FGF9: variants seen among roughly 807,000 people sequenced by gnomAD.
FGF9 encodes the protein fibroblast growth factor 9 (glia-activating factor).
In FGF9, 3 loss-of-function variants were observed where a neutral mutation model predicts 19.9. The ratio of observed to expected loss-of-function variants is 0.15; its 90% confidence interval spans 0.07 to 0.39. The LOEUF (loss-of-function observed/expected upper bound fraction) is 0.39, where lower values mean the gene tolerates loss of function less well. Among genes scored for constraint, FGF9 ranks in the 10% least tolerant of loss-of-function variants. The pLI is 1.00. For synonymous variants in FGF9, 107 were observed against 106.9 expected (o/e 1.00, Z -0.01); for missense variants, 175 against 256.8 (o/e 0.68, Z 2.18).
At chr13:21,684,130 A>G (rs1431634385) in intron 2 of FGF9, among the ~76,000 whole-genome samples, 1 of 152,224 alleles carries the variant, frequency 6.6e-6, no homozygotes, top group Non-Finnish European at 1.5e-5. Context: ...ATTTAAATTC[A>G]ATGGAAATAT....
Position 21,701,709 on chromosome 13 carries a change from A to ATGTGTG in FGF9, c.*300_*305dup, listed in dbSNP as rs61706549. The stretch of plus-strand genomic sequence containing the variant: ...GAGACTGAGCGCTAGGAGTGTGTGT[A>ATGTGTG]TGTGTGTGTGTGTGTGTGTGTGTGT... On this transcript the variant is annotated 3_prime_UTR_variant, in exon 3 of 3. Transcript: ENST00000382353. 0.073 allele frequency: 26,217 copies of ATGTGTG among 356,836 alleles called. 1,006 individuals carry two copies. Among genetic ancestry groups the ATGTGTG allele is most frequent in the African/African-American group, 0.16 (7,270 of 45,034 alleles). 22.1% of individuals were successfully genotyped at this position (356,836 alleles called of 1,614,324 possible).
intron 2 of FGF9, among the ~76,000 whole-genome samples, chr13:21,697,486 T>G (rs2138146971): frequency 6.6e-6 from 1 of 152,290 alleles, no homozygotes; most frequent in East Asian, 1.9e-4. Flanking sequence ...CTTTATTTTC[T>G]GAGTTATGTG....
chr13:21,675,915 TGAA>T (rs1259998073), intron 1 of FGF9, among the ~76,000 whole-genome samples: 1 of 147,568 alleles, frequency 6.8e-6, no homozygotes, highest in African/African-American at 2.5e-5. Flanking sequence ...GGTGGGACCT[TGAA>T]GGAGCCTTTT....
In FGF9 at chr13:21,671,083, G is replaced by A. The variant is rs576891863; in HGVS notation, c.-830G>A. ...AATGCCGCTGCCTGCGCCACTCTGCGCGCCGGCGGGGGCTGCGCAGGAGGA... is the reference window on the plus strand; with the variant it reads ...AATGCCGCTGCCTGCGCCACTCTGCACGCCGGCGGGGGCTGCGCAGGAGGA... On this transcript the variant is annotated 5_prime_UTR_variant, in exon 1 of 3. Coordinates refer to ENST00000382353, the MANE Select transcript of FGF9 (RefSeq NM_002010.3). Among the ~76,000 whole-genome samples, 2 of 152,238 alleles carry A rather than the reference G, an allele frequency of 1.3e-5. No homozygotes were observed. Among genetic ancestry groups the A allele is most frequent in the Non-Finnish European group, 2.9e-5 (2 of 67,992 alleles).
At chr13:21,689,467 A>G (rs1872238639) in intron 2 of FGF9, among the ~76,000 whole-genome samples, 1 of 152,118 alleles carries the variant, frequency 6.6e-6, no homozygotes, top group South Asian at 2.1e-4. Flanking sequence ...TTTTCTTACA[A>G]AAAATGGACT....
At chr13:21,699,208 G>A (rs1872483756) in intron 2 of FGF9, among the ~76,000 whole-genome samples, 1 of 152,208 alleles carries the variant, frequency 6.6e-6, no homozygotes, top group Admixed American at 6.5e-5. Context: ...GTGGGGTAGA[G>A]CTGCTTCTCC....
chr13:21,671,593 G>A lies in FGF9; in HGVS notation c.-320G>A. 2 of 503,154 alleles carry A rather than the reference G, an allele frequency of 4.0e-6. No individual in the cohort carries two copies. Among genetic ancestry groups the A allele is most frequent in the Non-Finnish European group, 7.0e-6 (2 of 287,238 alleles). 31.2% of individuals were successfully genotyped at this position (503,154 alleles called of 1,614,324 possible). On this transcript the variant is annotated 5_prime_UTR_variant, in exon 1 of 3. Transcript: ENST00000382353. Reference sequence around the variant, plus strand: ...GGATTTTTTTTCCTTATTACGGTCGGATGGGATGAAGACCTTCCTGCCTGC... The same window carrying A: ...GGATTTTTTTTCCTTATTACGGTCGAATGGGATGAAGACCTTCCTGCCTGC...
rs935417263 is a variant in FGF9 at position 21,702,207 on chromosome 13, T to C, written c.*772T>C. ...TGTGGTAAATTCATGCAAGTAGATATAATGGTGCATGGATATAAGAAATTC... is the reference window on the plus strand; with the variant it reads ...TGTGGTAAATTCATGCAAGTAGATACAATGGTGCATGGATATAAGAAATTC... On this transcript the variant is annotated 3_prime_UTR_variant, in exon 3 of 3. Transcript: ENST00000382353. 3.3e-5 allele frequency: 5 copies of C among 152,168 alleles called. No homozygotes were observed. The highest frequency in any genetic ancestry group is 9.6e-5 in the African/African-American group (4 of 41,456). 9.4% of individuals were successfully genotyped at this position (152,168 alleles called of 1,614,324 possible).
rs1352104938 is a variant in FGF9, at chr13:21,681,064, A to G, written c.300A>G (p.Ile100Met). The change falls in exon 2 of 3, where the codon ATA (isoleucine) becomes ATG (methionine). Residue 100 changes from isoleucine to methionine, a missense_variant. By Grantham distance (10) the Ile-to-Met change is conservative. This residue lies in a region of FGF9 where 101 missense variants were observed against 160.7 expected (regional missense o/e 0.63). Transcript: ENST00000382353. The stretch of plus-strand genomic sequence containing the variant: ...CAGGCATTCTGGAATTTATCAGTAT[A>G]GCAGTGGGCCTGGTCAGCATTCGAG... Reference protein sequence around the residue: ...SRFGILEFISIAVGLVSIRGV... With the variant: ...SRFGILEFISMAVGLVSIRGV... 6.2e-7 allele frequency: 1 copy of G among 1,613,856 alleles called. No individual in the cohort carries two copies. The highest frequency in any genetic ancestry group is 2.2e-5 in the East Asian group (1 of 44,872).
chr13:21,701,864 A>G lies in FGF9; in HGVS notation c.*429A>G, dbSNP rs1444764667. On this transcript the variant is annotated 3_prime_UTR_variant, in exon 3 of 3. Transcript: ENST00000382353. The stretch of plus-strand genomic sequence containing the variant: ...TTCATCCTATATCAGCACAGCTGCC[A>G]TACTTCGACTTATCAGGATTCTGGC... 5.4e-6 allele frequency: 1 copy of G among 186,248 alleles called. No individual in the cohort carries two copies. Among genetic ancestry groups the G allele is most frequent in the Non-Finnish European group, 1.1e-5 (1 of 88,078 alleles). The allele number at this position is 186,248 out of a possible 1,614,324, so 11.5% of individuals were successfully genotyped here.
chr13:21,691,171 T>C lies in FGF9; in HGVS notation c.382-10019T>C, dbSNP rs1368025743. ...AAGGAGAATCAGCTGTACCTACAAA[T>C]GCAAATGTACTTCCTCATGTGGGTG... On this transcript the variant is annotated intron_variant, in intron 2 of 2. Transcript: ENST00000382353. The surrounding 1 kb of genome is among the most constrained non-coding windows in gnomAD (Gnocchi z 4.2). Among the ~76,000 whole-genome samples, 1 of 152,234 alleles carries C rather than the reference T, an allele frequency of 6.6e-6. No individual in the cohort carries two copies. The highest frequency in any genetic ancestry group is 1.5e-5 in the Non-Finnish European group (1 of 68,038).
intron 2 of FGF9, among the ~76,000 whole-genome samples, chr13:21,694,993 A>G (rs1351106876): frequency 6.6e-6 from 1 of 152,008 alleles, no homozygotes; most frequent in Non-Finnish European, 1.5e-5. Context: ...GTCCTGTGGT[A>G]TATTTGGCAG....
At chr13:21,694,879 C>T (rs1392450588) in intron 2 of FGF9, among the ~76,000 whole-genome samples, 1 of 152,290 alleles carries the variant, frequency 6.6e-6, no homozygotes, top group East Asian at 1.9e-4. Flanking sequence ...TGTGGGAGTA[C>T]CCCTCTGAAC....
intron 1 of FGF9, among the ~76,000 whole-genome samples, chr13:21,674,921 A>G (rs1189150421): frequency 6.6e-6 from 1 of 150,838 alleles, no homozygotes; most frequent in Non-Finnish European, 1.5e-5. Context: ...ACAAAAAGCT[A>G]GACCCCTCAC....
intron 1 of FGF9, among the ~76,000 whole-genome samples, chr13:21,673,765 C>A (rs2138126522): frequency 6.6e-6 from 1 of 151,250 alleles, no homozygotes; most frequent in African/African-American, 2.4e-5. Flanking sequence ...GCCGCGCCGA[C>A]CGAAGCGAGC....
rs1555223897 is a variant in FGF9, at chr13:21,671,795, T to TTTTC, written c.-117_-116insTTCT. 6 of 1,171,618 alleles carry TTTTC rather than the reference T, an allele frequency of 5.1e-6. No individual in the cohort carries two copies. The highest frequency in any genetic ancestry group is 6.3e-6 in the Non-Finnish European group (5 of 797,090). The allele number at this position is 1,171,618 out of a possible 1,614,324, so 72.6% of individuals were successfully genotyped here. A position where few individuals can be genotyped will look rare whatever the true frequency, so the allele number is the denominator to read the frequency against. On this transcript the variant is annotated 5_prime_UTR_variant, in exon 1 of 3. Transcript: ENST00000382353. ...TGGATTGAAGAAAAGAACCTTTTTT[T>TTTTC]TCTCTCTCTCTCTGCAACTGCAGTA...
At chr13:21,696,748 A>T (rs1192126756) in intron 2 of FGF9, among the ~76,000 whole-genome samples, 1 of 152,256 alleles carries the variant, frequency 6.6e-6, no homozygotes, top group Admixed American at 6.5e-5. Flanking sequence ...TACATAACAT[A>T]AGTATTTTCA....
rs138896280 is a variant in FGF9, at chr13:21,680,458, T to C, written c.278-584T>C. 1.6e-4 allele frequency among the ~76,000 whole-genome samples: 24 copies of C among 152,304 alleles called. No individual in the cohort carries two copies. In the East Asian group the frequency reaches 3.3e-3, roughly 21 times the overall value. ...CTATTCTCTAAACAGAATACTTTTT[T>C]TTTTTTTTGCTACTTAAACAGGTAT... On this transcript the variant is annotated intron_variant, in intron 1 of 2. Coordinates refer to ENST00000382353, the MANE Select transcript of FGF9 (RefSeq NM_002010.3).
rs1872286460 is a variant in FGF9 at position 21,691,391 on chromosome 13, C to T, written c.382-9799C>T. Among the ~76,000 whole-genome samples, 1 of 152,226 alleles carries T rather than the reference C, an allele frequency of 6.6e-6. No homozygotes were observed. Among genetic ancestry groups the T allele is most frequent in the Non-Finnish European group, 1.5e-5 (1 of 68,042 alleles). On this transcript the variant is annotated intron_variant, in intron 2 of 2. Transcript: ENST00000382353. The surrounding 1 kb of genome is among the most constrained non-coding windows in gnomAD (Gnocchi z 4.2). Reference sequence around the variant, plus strand: ...CACAGAGGAGATGGAGAAAAACAGGCAGGTGTTCTCAGTAGAGAAACCTTT... The same window carrying T: ...CACAGAGGAGATGGAGAAAAACAGGTAGGTGTTCTCAGTAGAGAAACCTTT...
Sources: gnomAD v4.1 joint callset for allele counts (sites outside exome capture counted in the v4.1 genomes callset) on GRCh38, gnomAD v4.1.1 for gene constraint, gnomAD v4.1.1 regional missense constraint, Gnocchi (gnomAD v3.1) non-coding constraint, MANE v1.5 for transcripts, NCBI Gene and HGNC (gene_info 2026-07-23, HGNC 2026-07-21) for gene names.